CALCR: variants seen among roughly 807,000 people sequenced by gnomAD.
CALCR encodes the protein calcitonin receptor.
Under a neutral mutation model 59.5 loss-of-function variants are expected in CALCR, and 47 were observed. The ratio of observed to expected loss-of-function variants is 0.79; its 90% confidence interval spans 0.63 to 1.01. CALCR has a LOEUF of 1.01. Among genes scored for constraint, CALCR ranks in the 50% least tolerant of loss-of-function variants. CALCR has a pLI of 0.00. For synonymous variants in CALCR, 213 were observed against 211.3 expected, an observed-to-expected ratio of 1.01 and a Z score of -0.07; for missense variants, 566 against 597.1, an observed-to-expected ratio of 0.95 and a Z score of 0.54.
At chr7:93,470,848 A>G (rs1192122229) in intron 6 of CALCR, among the ~76,000 whole-genome samples, 1 of 151,692 alleles carries the variant, frequency 6.6e-6, no homozygotes, top group Non-Finnish European at 1.5e-5. Context: ...ATATGTACAC[A>G]TGTGACATGC....
At chr7:93,498,433 ATCTG>A (rs1182429210) in intron 2 of CALCR, among the ~76,000 whole-genome samples, 1 of 151,662 alleles carries the variant, frequency 6.6e-6, no homozygotes, top group Admixed American at 6.6e-5. Flanking sequence ...ATTGGTTATG[ATCTG>A]TCTAATTAAA....
chr7:93,426,280 G>A lies in CALCR; in HGVS notation c.*76C>T, dbSNP rs1799522955. The A allele has an allele frequency of 4.9e-6, 4 of 819,836 alleles. No individual in the cohort carries two copies. The highest frequency in any genetic ancestry group is 4.3e-5 in the South Asian group (3 of 69,774). The allele number at this position is 819,836 out of a possible 1,614,324, so 50.8% of individuals were successfully genotyped here. ...GATATGTTCGGTTCCTGGGAGGATGGAGAATACTTTAAATGCATGGTCTTT... is the reference window on the plus strand; with the variant it reads ...GATATGTTCGGTTCCTGGGAGGATGAAGAATACTTTAAATGCATGGTCTTT... On this transcript the variant is annotated 3_prime_UTR_variant, in exon 14 of 14. Coordinates refer to ENST00000426151, the MANE Select transcript of CALCR (RefSeq NM_001742.4).
intron 4 of CALCR, among the ~76,000 whole-genome samples, chr7:93,479,094 C>T (rs999657730): frequency 2.0e-5 from 3 of 151,728 alleles, no homozygotes; most frequent in Non-Finnish European, 4.4e-5. Context: ...TTTACTGTTC[C>T]GGCTCACCAG....
intron 2 of CALCR, among the ~76,000 whole-genome samples, chr7:93,513,252 C>T (rs1434300277): frequency 6.6e-6 from 1 of 151,888 alleles, no homozygotes; most frequent in African/African-American, 2.4e-5. Context: ...CCAAATGTTC[C>T]ACATAGAATG....
At position 93,443,997 on chromosome 7, in the gene CALCR, C is replaced by T. The variant is rs117176316; in HGVS notation, c.649-240G>A. 9.9e-5 allele frequency among the ~76,000 whole-genome samples: 15 copies of T among 152,246 alleles called. No individual in the cohort carries two copies. The South Asian group carries it at 1.5e-3, about 15-fold the overall frequency. ...AAAACTAGTCCACAAAATGTTCTTCCTTGTTGCATTCTGCGGACTTACACA... is the reference window on the plus strand; with the variant it reads ...AAAACTAGTCCACAAAATGTTCTTCTTTGTTGCATTCTGCGGACTTACACA... On this transcript the variant is annotated intron_variant, in intron 8 of 13. Transcript: ENST00000426151.
intron 2 of CALCR, among the ~76,000 whole-genome samples, chr7:93,550,269 C>T (rs1053856850): frequency 1.3e-5 from 2 of 151,824 alleles, no homozygotes; most frequent in African/African-American, 4.8e-5. Flanking sequence ...GCAGGTAAAT[C>T]ACCTGAGGTC....
intron 2 of CALCR, among the ~76,000 whole-genome samples, chr7:93,572,532 C>G (rs867582183): frequency 6.6e-6 from 1 of 152,096 alleles, no homozygotes; most frequent in East Asian, 1.9e-4. Flanking sequence ...AAACCATTAC[C>G]GGTCTCCTAT....
At chr7:93,483,881 A>G in intron 3 of CALCR, 1 of 450,032 alleles carries the variant, frequency 2.2e-6, no homozygotes, top group South Asian at 1.6e-5. Flanking sequence ...CATATAAACC[A>G]TCTTACATGA....
In CALCR at chr7:93,545,957, T is replaced by C. The variant is rs186179737; in HGVS notation, c.-27+28332A>G. ...TAGTGGTAAGAAGCTCTCCTACACATATATATTTGAGTACTCTCTCCCCTT... is the reference window on the plus strand; with the variant it reads ...TAGTGGTAAGAAGCTCTCCTACACACATATATTTGAGTACTCTCTCCCCTT... On this transcript the variant is annotated intron_variant, in intron 2 of 13. Coordinates refer to ENST00000426151, the MANE Select transcript of CALCR (RefSeq NM_001742.4). Among the ~76,000 whole-genome samples the C allele has an allele frequency of 4.0e-3, 603 of 152,094 alleles. 3 individuals carry two copies. Among genetic ancestry groups the C allele is most frequent in the African/African-American group, 0.014 (595 of 41,478 alleles).
intron 2 of CALCR, among the ~76,000 whole-genome samples, chr7:93,573,240 GT>G (rs1354324002): frequency 2.6e-5 from 4 of 152,092 alleles, no homozygotes; most frequent in African/African-American, 4.8e-5. Context: ...GTCCTTAATG[GT>G]AAGTCAACTG....
Position 93,443,632 on chromosome 7 carries a change from G to A in CALCR, c.774C>T (p.Arg258=), listed in dbSNP as rs540179321. ...AGCCCAAGAGATAATACCACCGCAA[G>A]CGTTGCTTCTCAGTAAACACAGCCA... ...IVVAVFTEKQ[R]LRWYYLLGWG... is the part of the protein sequence containing the mutation. Residue 258 remains arginine, a synonymous_variant, in exon 9 of 14, where the codon CGC becomes CGT. Coordinates refer to ENST00000426151, the MANE Select transcript of CALCR (RefSeq NM_001742.4). 11 of 1,613,404 alleles carry A rather than the reference G, an allele frequency of 6.8e-6. No homozygotes were observed. The highest frequency in any genetic ancestry group is 6.7e-5 in the East Asian group (3 of 44,858).
chr7:93,498,077 C>T (rs1801248206), intron 2 of CALCR, among the ~76,000 whole-genome samples: 1 of 151,538 alleles, frequency 6.6e-6, no homozygotes, highest in African/African-American at 2.4e-5. Context: ...AGACCCATCT[C>T]CTTAAGTGAC....
chr7:93,447,224 C>A (rs990032109), intron 8 of CALCR, among the ~76,000 whole-genome samples: 1 of 151,990 alleles, frequency 6.6e-6, no homozygotes, highest in Non-Finnish European at 1.5e-5. Flanking sequence ...AAAATGGAAT[C>A]AGAATTATAG....
intron 8 of CALCR, among the ~76,000 whole-genome samples, chr7:93,449,843 A>G (rs114778968): frequency 6.6e-5 from 10 of 151,958 alleles, no homozygotes; most frequent in African/African-American, 2.4e-4. Context: ...GGGCATCTTA[A>G]ATTTTTGTCA....
chr7:93,535,266 T>C (rs1788955622), intron 2 of CALCR, among the ~76,000 whole-genome samples: 1 of 151,742 alleles, frequency 6.6e-6, no homozygotes, highest in Non-Finnish European at 1.5e-5. Context: ...AGACATAGTT[T>C]ATATGAGACA....
intron 2 of CALCR, 138 bp downstream of exon 2, chr7:93,574,151 C>T (rs1324683979): frequency 6.6e-6 from 1 of 152,242 alleles, no homozygotes; most frequent in Non-Finnish European, 1.5e-5. Flanking sequence ...CTAGCTGACC[C>T]TACATGAGAA....
chr7:93,550,488 C>CAAA (rs11287815), intron 2 of CALCR, among the ~76,000 whole-genome samples: 2 of 26,572 alleles, frequency 7.5e-5, no homozygotes, highest in African/African-American at 1.7e-4. Context: ...AACTCCGTCT[C>CAAA]AAAAAAAAAA....
At chr7:93,485,177 A>T (rs2115921940) in intron 3 of CALCR, among the ~76,000 whole-genome samples, 1 of 151,792 alleles carries the variant, frequency 6.6e-6, no homozygotes, top group East Asian at 2.0e-4. Flanking sequence ...CAAATATATA[A>T]TCCAAATACA....
chr7:93,443,227 A>G (rs1205178530), intron 9 of CALCR, among the ~76,000 whole-genome samples: 2 of 152,170 alleles, frequency 1.3e-5, no homozygotes, highest in African/African-American at 4.8e-5. Context: ...TAGGGGAGGT[A>G]CATAATTCAA....
Sources: gnomAD v4.1 joint callset for allele counts (sites outside exome capture counted in the v4.1 genomes callset) on GRCh38, gnomAD v4.1.1 for gene constraint, MANE v1.5 for transcripts, NCBI Gene and HGNC (gene_info 2026-07-23, HGNC 2026-07-21) for gene names.